RHBG: variants seen among roughly 807,000 people sequenced by gnomAD.
RHBG encodes Rh family B glycoprotein, also known as ammonium transporter Rh type B.
In RHBG, 39 loss-of-function variants were observed where a neutral mutation model predicts 40.1. That is an observed-to-expected ratio of 0.97 (90% CI 0.75 to 1.27). RHBG has a LOEUF of 1.27. Among genes scored for constraint, RHBG ranks in the 50% most tolerant of loss-of-function variants. RHBG has a pLI of 0.00. For missense variants in RHBG, 549 were observed against 588.1 expected (o/e 0.93, Z 0.69); for synonymous variants, 237 against 252.5 (o/e 0.94, Z 0.58).
intron 1 of RHBG, among the ~76,000 whole-genome samples, chr1:156,372,484 T>A (rs930528895): frequency 2.0e-5 from 3 of 152,190 alleles, no homozygotes; most frequent in Non-Finnish European, 2.9e-5. Flanking sequence ...TTTTCATACA[T>A]CTCATAGACC....
At chr1:156,379,706 A>C (rs1041561182) in intron 4 of RHBG, among the ~76,000 whole-genome samples, 2 of 152,098 alleles carry the variant, frequency 1.3e-5, no homozygotes, top group Non-Finnish European at 2.9e-5. Flanking sequence ...TGCAAATGTG[A>C]GTGTGGGAGA....
chr1:156,370,402 T>C (rs1666755781), intron 1 of RHBG, among the ~76,000 whole-genome samples: 1 of 149,778 alleles, frequency 6.7e-6, no homozygotes, highest in African/African-American at 2.5e-5. Context: ...TGAGTCAGGA[T>C]CACGCCACTG....
intron 3 of RHBG, 31 bp downstream of exon 3, chr1:156,378,171 G>GT: frequency 6.3e-7 from 1 of 1,599,010 alleles, no homozygotes; most frequent in East Asian, 2.2e-5. Flanking sequence ...GGAGTCGGGG[G>GT]TGGGGGGTGG....
In RHBG at chr1:156,369,282, G is replaced by C. The variant is rs1432915997; in HGVS notation, c.33G>C (p.Arg11=). 3 of 1,613,690 alleles carry C rather than the reference G, an allele frequency of 1.9e-6. No homozygotes were observed. Among genetic ancestry groups the C allele is most frequent in the Non-Finnish European group, 2.5e-6 (3 of 1,179,986 alleles). Residue 11 remains arginine, a synonymous_variant, in exon 1 of 10, where the codon CGG becomes CGC. Transcript: ENST00000537040. MAGSPSRAAG[R]RLQLPLLCLF... ...GGTCTCCTAGCCGCGCCGCGGGCCG[G>C]CGACTGCAGCTTCCCCTGCTGTGCC...
At position 156,377,345 on chromosome 1, in the gene RHBG, C is replaced by T; in HGVS notation, c.232C>T (p.Leu78Phe). The T allele has an allele frequency of 6.2e-7, 1 of 1,614,180 alleles. No homozygotes were observed. Among genetic ancestry groups the T allele is most frequent in the South Asian group, 1.1e-5 (1 of 91,086 alleles). Residue 78 changes from leucine (L) to phenylalanine (F), a missense_variant, in exon 2 of 10, where the codon CTC becomes TTC. Transcript: ENST00000537040. The surrounding 1 kb of genome is among the most constrained non-coding windows in gnomAD (Gnocchi z 4.6). ...CATGGTCTTCGTGGGCTTTGGCTTC[C>T]TCATGGTCTTCCTGCAGCGTTACGG... Reference protein sequence around the residue: ...HAMVFVGFGFLMVFLQRYGFS... With the variant: ...HAMVFVGFGFFMVFLQRYGFS...
chr1:156,376,386 C>G (rs894739073), intron 1 of RHBG, among the ~76,000 whole-genome samples: 2 of 138,012 alleles, frequency 1.4e-5, no homozygotes, highest in Admixed American at 7.6e-5. Flanking sequence ...TTTTTTGAGA[C>G]AGACTCTTGC....
intron 1 of RHBG, among the ~76,000 whole-genome samples, chr1:156,370,766 G>A (rs975915939): frequency 2.6e-5 from 4 of 152,096 alleles, no homozygotes; most frequent in Non-Finnish European, 5.9e-5. Context: ...GGGGTTGTGA[G>A]TTGTTCACGA....
intron 3 of RHBG, 31 bp from the exon 4 acceptor site, chr1:156,378,221 C>T (rs749668134): frequency 6.9e-5 from 33 of 476,386 alleles, no homozygotes; most frequent in Non-Finnish European, 9.3e-5. Flanking sequence ...GGGGTGGGGG[C>T]GGGGTGCTGC....
At position 156,369,242 on chromosome 1, in the gene RHBG, C is replaced by G; in HGVS notation, c.-8C>G. The G allele has an allele frequency of 6.2e-7, 1 of 1,611,364 alleles. No homozygotes were observed. Among genetic ancestry groups the G allele is most frequent in the Non-Finnish European group, 8.5e-7 (1 of 1,179,148 alleles). Reference sequence around the variant, plus strand: ...CTGCGAGCGCCAGCCGAGATCGCAGCCCAACCCATGGCCGGGTCTCCTAGC... The same window carrying G: ...CTGCGAGCGCCAGCCGAGATCGCAGGCCAACCCATGGCCGGGTCTCCTAGC... On this transcript the variant is annotated 5_prime_UTR_variant, in exon 1 of 10. Coordinates refer to ENST00000537040, the MANE Select transcript of RHBG (RefSeq NM_020407.5).
rs960543174 is a variant in RHBG at position 156,385,006 on chromosome 1, C to T, written c.*161C>T. Reference sequence around the variant, plus strand: ...GGCAGCGTCTCCACAGGGAGAGGGGCAACAGGAGGCTGGGAAATGGTGGGG... The same window carrying T: ...GGCAGCGTCTCCACAGGGAGAGGGGTAACAGGAGGCTGGGAAATGGTGGGG... On this transcript the variant is annotated 3_prime_UTR_variant, in exon 10 of 10. Transcript: ENST00000537040. 3 of 575,352 alleles carry T rather than the reference C, an allele frequency of 5.2e-6. No individual in the cohort carries two copies. Among genetic ancestry groups the T allele is most frequent in the African/African-American group, 3.7e-5 (2 of 53,476 alleles). The allele number at this position is 575,352 out of a possible 1,614,324, so 35.6% of individuals were successfully genotyped here.
chr1:156,381,574 TGA>T, intron 5 of RHBG, 61 bp downstream of exon 5: 1 of 1,527,514 alleles, frequency 6.5e-7, no homozygotes, highest in Non-Finnish European at 8.8e-7. Flanking sequence ...AGGAGAGGTC[TGA>T]GACCCTCAAG....
rs199927906 is a variant in RHBG, at chr1:156,377,330, G to T, written c.217G>T (p.Val73Leu). 1 of 1,614,142 alleles carries T rather than the reference G, an allele frequency of 6.2e-7. No homozygotes were observed. The highest frequency in any genetic ancestry group is 2.2e-5 in the East Asian group (1 of 44,884). ...CCAGGACGTGCATGCCATGGTCTTC[G>T]TGGGCTTTGGCTTCCTCATGGTCTT... The part of the protein sequence containing the change: ...SFQDVHAMVF[V>L]GFGFLMVFLQ... The change falls in exon 2 of 10, where the codon GTG (valine) becomes TTG (leucine). Residue 73 changes from valine (V) to leucine (L), a missense_variant. By Grantham distance (32) the Val-to-Leu change is conservative (BLOSUM62 1). Around this residue, in one of 3 missense-constraint regions of RHBG, gnomAD observed 51 missense variants for 85.9 expected, o/e 0.59. Transcript: ENST00000537040. This position sits in a 1 kb window ranked among gnomAD's most constrained non-coding sequence, Gnocchi z 4.6.
At chr1:156,374,164 C>A (rs369528438) in intron 1 of RHBG, among the ~76,000 whole-genome samples, 2 of 152,128 alleles carry the variant, frequency 1.3e-5, no homozygotes, top group Non-Finnish European at 2.9e-5. Flanking sequence ...AACCCTATTG[C>A]GAACTGTGCA....
Position 156,384,556 on chromosome 1 carries a change from T to TCCC in RHBG, c.1269_1271dup (p.Pro424dup). 1.3e-6 allele frequency: 2 copies of TCCC among 1,584,798 alleles called. No individual in the cohort carries two copies. The highest frequency in any genetic ancestry group is 3.5e-5 in the Admixed American group (2 of 57,022). ...CCTGCTGAAGCTACCCTTTCTGGAC[T>TCCC]CCCCCCCAGACTCCCAGCACTACGA... On this transcript the variant is annotated inframe_insertion, in exon 9 of 10. Transcript: ENST00000537040.
Position 156,384,900 on chromosome 1 carries a change from C to A in RHBG, c.*55C>A. 8.4e-7 allele frequency: 1 copy of A among 1,195,948 alleles called. No homozygotes were observed. The highest frequency in any genetic ancestry group is 1.3e-5 in the South Asian group (1 of 75,802). 74.1% of individuals were successfully genotyped at this position (1,195,948 alleles called of 1,614,324 possible). A position where few individuals can be genotyped will look rare whatever the true frequency, so the allele number is the denominator to read the frequency against. Reference sequence around the variant, plus strand: ...CCTTTTCGAAGATGCTGACTGGCTGCTACTAGGAAGTTCTTTTTGAGCTCC... The same window carrying A: ...CCTTTTCGAAGATGCTGACTGGCTGATACTAGGAAGTTCTTTTTGAGCTCC... On this transcript the variant is annotated 3_prime_UTR_variant, in exon 10 of 10. Coordinates refer to ENST00000537040, the MANE Select transcript of RHBG (RefSeq NM_020407.5).
intron 8 of RHBG, 42 bp from the exon 9 acceptor site, chr1:156,384,483 TGG>T: frequency 6.3e-7 from 1 of 1,581,106 alleles, no homozygotes; most frequent in South Asian, 1.1e-5. Context: ...TCCTCCATGG[TGG>T]GGGGCAGAGA....
chr1:156,379,630 TTA>T (rs1161541288), intron 4 of RHBG, among the ~76,000 whole-genome samples: 1 of 152,166 alleles, frequency 6.6e-6, no homozygotes, highest in Non-Finnish European at 1.5e-5. Flanking sequence ...CTCCTGGATT[TTA>T]GTGTCACCCA....
intron 8 of RHBG, 53 bp from the exon 9 acceptor site, chr1:156,384,474 C>T: frequency 6.4e-7 from 1 of 1,563,956 alleles, no homozygotes; most frequent in Non-Finnish European, 8.8e-7. Flanking sequence ...GTGGCACCCT[C>T]CTCCATGGTG....
At chr1:156,382,591 G>A in intron 7 of RHBG, 157 bp from the exon 8 acceptor site, 1 of 892,156 alleles carries the variant, frequency 1.1e-6, no homozygotes, top group Non-Finnish European at 1.8e-6. Flanking sequence ...TTGAGCAGTG[G>A]CCTGGAGGTG....
Sources: allele counts gnomAD v4.1 joint callset (sites outside exome capture counted in the v4.1 genomes callset), GRCh38; gene constraint gnomAD v4.1.1; regional missense constraint gnomAD v4.1.1; non-coding constraint Gnocchi (gnomAD v3.1); transcripts MANE v1.5; gene names NCBI Gene and HGNC (gene_info 2026-07-23, HGNC 2026-07-21).